The following ULK4 variants were observed in gnomAD, a reference collection of about 807,000 sequenced individuals.
ULK4 encodes the protein unc-51 like kinase 4.
Under a neutral mutation model 160.6 loss-of-function variants are expected in ULK4, and 133 were observed. The observed-to-expected ratio is 0.83, with a 90% CI of 0.72 to 0.96. The LOEUF is 0.96. Ranked by LOEUF, ULK4 falls within the 40% of genes least tolerant of loss-of-function variation. The pLI is 0.00. For missense variants in ULK4, 1,580 were observed against 1,499.5 expected, an observed-to-expected ratio of 1.05 and a Z score of -0.89; for synonymous variants, 534 against 539.8, an observed-to-expected ratio of 0.99 and a Z score of 0.15.
chr3:41,557,154 G>A (rs11922619), intron 32 of ULK4, among the ~76,000 whole-genome samples: 1 of 151,592 alleles, frequency 6.6e-6, no homozygotes, highest in Non-Finnish European at 1.5e-5. Flanking sequence ...AGCCAAAAAA[G>A]CATTTGACAA....
At chr3:41,921,471 C>T (rs1716982) in intron 5 of ULK4, among the ~76,000 whole-genome samples, 103,911 of 151,760 alleles carry the variant, frequency 0.68, 39,104 homozygotes, top group East Asian at 0.83. Context: ...AAAAATTAGC[C>T]AGGCATGGTG....
rs535192642 is a variant in ULK4 at position 41,774,886 on chromosome 3, T to C, written c.2193+14775A>G. On this transcript the variant is annotated intron_variant, in intron 21 of 36. Coordinates refer to ENST00000301831, the MANE Select transcript of ULK4 (RefSeq NM_017886.4). ...GGCACATATACACCATGGAATACTA[T>C]GCAGCCATAAAAATAATGAGTTCAT... is the stretch of plus-strand genomic sequence containing the variant. Among the ~76,000 whole-genome samples, 3 of 150,518 alleles carry C rather than the reference T, an allele frequency of 2.0e-5. 1 individual carries two copies. Among genetic ancestry groups the C allele is most frequent in the East Asian group, 1.9e-4 (1 of 5,186 alleles).
chr3:41,581,252 T>C (rs1384066525), intron 31 of ULK4, among the ~76,000 whole-genome samples: 1 of 151,956 alleles, frequency 6.6e-6, no homozygotes, highest in African/African-American at 2.4e-5. Flanking sequence ...TTGGCCAGGG[T>C]AGGTGGGTGG....
intron 35 of ULK4, among the ~76,000 whole-genome samples, chr3:41,384,114 T>G (rs2081740873): frequency 6.6e-6 from 1 of 152,180 alleles, no homozygotes; most frequent in African/African-American, 2.4e-5. Flanking sequence ...AGATGCCCTC[T>G]TAACCAAGCA....
intron 30 of ULK4, among the ~76,000 whole-genome samples, chr3:41,655,242 C>T (rs1051765486): frequency 1.3e-5 from 2 of 151,734 alleles, no homozygotes; most frequent in Non-Finnish European, 2.9e-5. Context: ...ATAGATGAAG[C>T]TGGAAACCAT....
chr3:41,553,887 G>A (rs534626916), intron 32 of ULK4, among the ~76,000 whole-genome samples: 2 of 151,768 alleles, frequency 1.3e-5, no homozygotes, highest in Admixed American at 6.6e-5. Context: ...TTTTATTATA[G>A]CCACCCTGTT....
Position 41,673,450 on chromosome 3 carries a change from A to G in ULK4, c.2978+8058T>C, listed in dbSNP as rs565151343. Among the ~76,000 whole-genome samples the G allele has an allele frequency of 1.2e-4, 18 of 152,296 alleles. No individual in the cohort carries two copies. In the South Asian group the frequency reaches 3.3e-3, roughly 28 times the overall value. On this transcript the variant is annotated intron_variant, in intron 29 of 36. Coordinates refer to ENST00000301831, the MANE Select transcript of ULK4 (RefSeq NM_017886.4). ...AGTTCCTAAAAGGAAATGCCATTCT[A>G]ATTTGTAAGGAATATATCCCTTTCT...
At chr3:41,803,920 G>A (rs1228059017) in intron 19 of ULK4, among the ~76,000 whole-genome samples, 12 of 152,102 alleles carry the variant, frequency 7.9e-5, no homozygotes, top group Admixed American at 4.6e-4. Context: ...AGTCTTTGCT[G>A]TTGTGAATAG....
At position 41,398,104 on chromosome 3, in the gene ULK4, A is replaced by C; in HGVS notation, c.3653T>G (p.Leu1218Arg). 1 of 1,612,902 alleles carries C rather than the reference A, an allele frequency of 6.2e-7. No individual in the cohort carries two copies. Among genetic ancestry groups the C allele is most frequent in the Non-Finnish European group, 8.5e-7 (1 of 1,179,454 alleles). The change falls in exon 35 of 37, where the codon CTT (leucine) becomes CGT (arginine). Residue 1218 changes from leucine (L) to arginine (R), a missense_variant. By Grantham distance (102) the Leu-to-Arg change is moderately radical. Coordinates refer to ENST00000301831, the MANE Select transcript of ULK4 (RefSeq NM_017886.4). The stretch of plus-strand genomic sequence containing the variant: ...CATTCTTCTGAGAATCCTTAACAGA[A>C]GCTTCTGCTCCTTTGGGTCCTCCTT... ...TSKEDPKEQK[L>R]LLRILRRMIT...
chr3:41,765,142 A>C (rs1461255292), intron 21 of ULK4, among the ~76,000 whole-genome samples: 1 of 152,246 alleles, frequency 6.6e-6, no homozygotes, highest in Non-Finnish European at 1.5e-5. Context: ...ACAATAGCGA[A>C]GACTTGGAAC....
rs962650708 is a variant in ULK4, at chr3:41,519,582, A to C, written c.3226+46443T>G. ...AGTGTGGTAGGGAATTTGAATTTGA[A>C]GCATACATGAACATGTAGGAAAAAC... is the stretch of plus-strand genomic sequence containing the variant. On this transcript the variant is annotated intron_variant, in intron 32 of 36. Transcript: ENST00000301831. 2.0e-5 allele frequency among the ~76,000 whole-genome samples: 3 copies of C among 152,216 alleles called. No individual in the cohort carries two copies. The South Asian group carries it at 6.2e-4, about 32-fold the overall frequency.
At chr3:41,747,474 C>A (rs1206089361) in intron 22 of ULK4, among the ~76,000 whole-genome samples, 2 of 151,850 alleles carry the variant, frequency 1.3e-5, no homozygotes, top group South Asian at 4.2e-4. Context: ...ATACAAGAGA[C>A]CACGATTTGA....
intron 4 of ULK4, among the ~76,000 whole-genome samples, chr3:41,932,244 C>A (rs1317986213): frequency 6.6e-6 from 1 of 151,980 alleles, no homozygotes; most frequent in Non-Finnish European, 1.5e-5. Context: ...CATCATATAA[C>A]CATAGTGGAA....
At chr3:41,772,212 T>A (rs1035402220) in intron 21 of ULK4, among the ~76,000 whole-genome samples, 1 of 152,004 alleles carries the variant, frequency 6.6e-6, no homozygotes, top group African/African-American at 2.4e-5. Flanking sequence ...AAGAAATAAC[T>A]ATGATCAGAG....
At chr3:41,444,361 T>TTCTCTCTC (rs56744200) in intron 34 of ULK4, among the ~76,000 whole-genome samples, 1,830 of 146,644 alleles carry the variant, frequency 0.012, 50 homozygotes, top group African/African-American at 0.042. Context: ...TTTAAGTGAC[T>TTCTCTCTC]TCTCTCTCTC....
intron 22 of ULK4, among the ~76,000 whole-genome samples, chr3:41,746,139 A>G (rs765491015): frequency 2.0e-5 from 3 of 151,432 alleles, no homozygotes; most frequent in Admixed American, 2.0e-4. Flanking sequence ...CTTATTCAAC[A>G]TAGTACTGGA....
chr3:41,440,938 T>A (rs1468029830), intron 34 of ULK4, among the ~76,000 whole-genome samples: 1 of 152,148 alleles, frequency 6.6e-6, no homozygotes, highest in East Asian at 1.9e-4. Flanking sequence ...AAGCTATTTA[T>A]AATATTCCCT....
intron 32 of ULK4, among the ~76,000 whole-genome samples, chr3:41,549,536 TATATC>T (rs1286422255): frequency 1.3e-5 from 2 of 152,154 alleles, no homozygotes; most frequent in Admixed American, 1.3e-4. Context: ...GCTTCTCTGA[TATATC>T]AGACACCATA....
intron 35 of ULK4, among the ~76,000 whole-genome samples, chr3:41,336,360 G>A (rs1248860092): frequency 6.6e-6 from 1 of 152,226 alleles, no homozygotes; most frequent in Non-Finnish European, 1.5e-5. Flanking sequence ...GATGGAGGGA[G>A]AACTTCAAGC....
Sources: gnomAD v4.1 joint callset for allele counts (sites outside exome capture counted in the v4.1 genomes callset) on GRCh38, gnomAD v4.1.1 for gene constraint, MANE v1.5 for transcripts, NCBI Gene and HGNC (gene_info 2026-07-23, HGNC 2026-07-21) for gene names.